Variants in GPALPP1 observed in about 807,000 individuals in gnomAD.
The protein encoded by GPALPP1 is GPALPP motifs-containing protein 1.
A neutral mutation model predicts 38.9 loss-of-function variants in GPALPP1; 30 were observed. That is an observed-to-expected ratio of 0.77 (90% CI 0.58 to 1.05). GPALPP1 has a LOEUF of 1.05. GPALPP1 is among the 50% of genes least tolerant of loss of function. The pLI is 0.00. For synonymous variants in GPALPP1, 120 were observed against 139.2 expected (o/e 0.86, Z 0.97); for missense variants, 384 against 408.8 (o/e 0.94, Z 0.52).
At chr13:45,016,838 C>A (rs1424236831) in intron 6 of GPALPP1, among the ~76,000 whole-genome samples, 1 of 152,084 alleles carries the variant, frequency 6.6e-6, no homozygotes, top group Non-Finnish European at 1.5e-5. Context: ...AAAGACAAGG[C>A]CTTGCTATGT....
intron 4 of GPALPP1, among the ~76,000 whole-genome samples, chr13:45,010,534 T>C (rs549374109): frequency 1.2e-4 from 19 of 152,214 alleles, no homozygotes; most frequent in Admixed American, 6.5e-5. Flanking sequence ...GAAGTATTTG[T>C]CGAATGAATG....
intron 1 of GPALPP1, 173 bp downstream of exon 1, chr13:44,989,915 G>C: frequency 1.7e-6 from 1 of 601,030 alleles, no homozygotes; most frequent in Non-Finnish European, 3.0e-6. Flanking sequence ...GGAGGCTGGG[G>C]GACCCTCCTA....
intron 7 of GPALPP1, among the ~76,000 whole-genome samples, chr13:45,025,363 G>T (rs1272512877): frequency 6.6e-6 from 1 of 151,978 alleles, no homozygotes; most frequent in Non-Finnish European, 1.5e-5. Flanking sequence ...AAGTCATTAG[G>T]ATCTCCTTTG....
At chr13:45,016,550 T>C (rs572604327) in intron 6 of GPALPP1, among the ~76,000 whole-genome samples, 7 of 152,212 alleles carry the variant, frequency 4.6e-5, no homozygotes, top group Admixed American at 2.6e-4. Context: ...AAATATTTCA[T>C]TGTATATTAG....
intron 4 of GPALPP1, among the ~76,000 whole-genome samples, chr13:45,014,133 T>C (rs1874668431): frequency 1.3e-5 from 2 of 152,196 alleles, no homozygotes; most frequent in Admixed American, 1.3e-4. Flanking sequence ...GAGACGATCA[T>C]TAGCTTATTC....
At chr13:44,995,824 C>T (rs1042275476) in intron 1 of GPALPP1, among the ~76,000 whole-genome samples, 3 of 152,174 alleles carry the variant, frequency 2.0e-5, no homozygotes, top group Non-Finnish European at 2.9e-5. Flanking sequence ...GACAAGCTCC[C>T]AGCTGCTGCT....
chr13:45,000,603 A>G (rs1023982891), intron 1 of GPALPP1, among the ~76,000 whole-genome samples: 5 of 151,960 alleles, frequency 3.3e-5, no homozygotes, highest in Non-Finnish European at 5.9e-5. Context: ...GATAAATTAC[A>G]TGGATAGCAG....
chr13:45,027,830 T>C lies in GPALPP1; in HGVS notation c.850T>C (p.Leu284=), dbSNP rs1262674887. The change falls in exon 8 of 8, where the codon TTA becomes CTA. Residue 284 remains leucine, a synonymous_variant. Transcript: ENST00000379151. ...ESLMDIHHKK[L]KSKAAEDKNK... is the part of the protein sequence containing the mutation. ...TCTTATGGACATACATCATAAAAAGTTAAAGAGTAAGGCTGCTGAAGACAA... is the reference window on the plus strand; with the variant it reads ...TCTTATGGACATACATCATAAAAAGCTAAAGAGTAAGGCTGCTGAAGACAA... The C allele has an allele frequency of 6.2e-7, 1 of 1,601,834 alleles. No homozygotes were observed. The highest frequency in any genetic ancestry group is 8.6e-7 in the Non-Finnish European group (1 of 1,169,188).
intron 7 of GPALPP1, among the ~76,000 whole-genome samples, chr13:45,025,998 G>A (rs566111971): frequency 6.6e-6 from 1 of 152,100 alleles, no homozygotes; most frequent in East Asian, 1.9e-4. Flanking sequence ...TCGAACTCCC[G>A]ACCTCAGGTG....
chr13:45,030,127 T>C lies in GPALPP1; in HGVS notation c.*2124T>C, dbSNP rs1876122016. On this transcript the variant is annotated 3_prime_UTR_variant, in exon 8 of 8. Coordinates refer to ENST00000379151, the MANE Select transcript of GPALPP1 (RefSeq NM_018559.5). ...TCATGAATAGCCTTTTTTAAAAATT[T>C]AATAATCCCTGAATACAAAAATGGA... 1.3e-5 allele frequency: 2 copies of C among 152,284 alleles called. No individual in the cohort carries two copies. The highest frequency in any genetic ancestry group is 2.9e-5 in the Non-Finnish European group (2 of 68,014). 9.4% of individuals were successfully genotyped at this position (152,284 alleles called of 1,614,324 possible).
At chr13:44,999,588 T>C (rs1873522791) in intron 1 of GPALPP1, among the ~76,000 whole-genome samples, 1 of 152,308 alleles carries the variant, frequency 6.6e-6, no homozygotes, top group East Asian at 1.9e-4. Flanking sequence ...AATATTCTTC[T>C]CTTTTTTCTT....
intron 1 of GPALPP1, among the ~76,000 whole-genome samples, chr13:44,991,651 T>G (rs1872815877): frequency 6.6e-6 from 1 of 152,180 alleles, no homozygotes. Flanking sequence ...CTATCTGGAT[T>G]TTTAAGAAGT....
At chr13:45,010,949 C>T (rs1311559495) in intron 4 of GPALPP1, among the ~76,000 whole-genome samples, 1 of 152,020 alleles carries the variant, frequency 6.6e-6, no homozygotes, top group Non-Finnish European at 1.5e-5. Context: ...TGCCACTGCA[C>T]TCCAGCCTGG....
At position 44,993,406 on chromosome 13, in the gene GPALPP1, C is replaced by T. The variant is rs1310944590; in HGVS notation, c.88+3664C>T. ...ATCCCAGCACTTTGGGAGACCGAGG[C>T]AGGTGACCTCACCTGAGGTCAAGAG... On this transcript the variant is annotated intron_variant, in intron 1 of 7. Transcript: ENST00000379151. Among the ~76,000 whole-genome samples, 3 of 152,286 alleles carry T rather than the reference C, an allele frequency of 2.0e-5. No individual in the cohort carries two copies. The East Asian group carries it at 5.8e-4, about 29-fold the overall frequency.
intron 6 of GPALPP1, among the ~76,000 whole-genome samples, chr13:45,019,643 CCTTTT>C (rs1042712793): frequency 7.7e-6 from 1 of 129,432 alleles, no homozygotes; most frequent in Non-Finnish European, 1.7e-5. Context: ...CCTTTTATTT[CCTTTT>C]CTTTGTTTTT....
chr13:45,008,799 A>G lies in GPALPP1; in HGVS notation c.328A>G (p.Ile110Val), dbSNP rs201143423. The G allele has an allele frequency of 1.8e-5, 28 of 1,538,996 alleles. No homozygotes were observed. The South Asian group carries it at 2.8e-4, about 15-fold the overall frequency. Residue 110 changes from isoleucine (I) to valine (V), a missense_variant, in exon 4 of 8, where the codon ATA (isoleucine) becomes GTA (valine). Ile to Val is a conservative substitution (Grantham distance 29, BLOSUM62 3). Coordinates refer to ENST00000379151, the MANE Select transcript of GPALPP1 (RefSeq NM_018559.5). ...AAAGTACATTTTATTTTTCAGGCCC[A>G]TAATAGGTCCTGCATTGCCACCTGG... Reference protein sequence around the residue: ...KKQDDSPPRPIIGPALPPGFI... With the variant: ...KKQDDSPPRPVIGPALPPGFI...
At chr13:45,022,198 G>A (rs1875478507) in intron 7 of GPALPP1, among the ~76,000 whole-genome samples, 1 of 152,032 alleles carries the variant, frequency 6.6e-6, no homozygotes, top group Non-Finnish European at 1.5e-5. Context: ...ACACAAGCAA[G>A]TACATACTTC....
At position 45,030,157 on chromosome 13, in the gene GPALPP1, G is replaced by A. The variant is rs1327903267; in HGVS notation, c.*2154G>A. 6.6e-6 allele frequency: 1 copy of A among 152,066 alleles called. No homozygotes were observed. The allele number at this position is 152,066 out of a possible 1,614,324, so 9.4% of individuals were successfully genotyped here. On this transcript the variant is annotated 3_prime_UTR_variant, in exon 8 of 8. Coordinates refer to ENST00000379151, the MANE Select transcript of GPALPP1 (RefSeq NM_018559.5). The stretch of plus-strand genomic sequence containing the variant: ...ATCCCTGAATACAAAAATGGAAATG[G>A]AAAATTTATAATCATAACCCCCCTA...
At chr13:45,008,924 T>C in intron 4 of GPALPP1, 45 bp downstream of exon 4, 1 of 1,118,578 alleles carries the variant, frequency 8.9e-7, no homozygotes. Context: ...AAGTTTTCAT[T>C]GAAAGAATAA....
Sources: allele counts gnomAD v4.1 joint callset (sites outside exome capture counted in the v4.1 genomes callset), GRCh38; gene constraint gnomAD v4.1.1; transcripts MANE v1.5; gene names NCBI Gene and HGNC (gene_info 2026-07-23, HGNC 2026-07-21).